ADGRG6: variants seen among roughly 807,000 people sequenced by gnomAD.
ADGRG6 encodes adhesion G protein-coupled receptor G6.
A neutral mutation model predicts 142.4 loss-of-function variants in ADGRG6; 84 were observed. The observed-to-expected ratio is 0.59, with a 90% CI of 0.49 to 0.71. ADGRG6 has a LOEUF of 0.71. Ranked by LOEUF, ADGRG6 falls within the 30% of genes least tolerant of loss-of-function variation. The pLI is 0.00. For missense variants in ADGRG6, 1,367 were observed against 1,466.6 expected (o/e 0.93, Z 1.11); for synonymous variants, 521 against 520.5 (o/e 1.00, Z -0.01).
chr6:142,317,502 A>G (rs1243822778), intron 2 of ADGRG6, among the ~76,000 whole-genome samples: 1 of 150,938 alleles, frequency 6.6e-6, no homozygotes, highest in Non-Finnish European at 1.5e-5. Context: ...ACCATTATTA[A>G]AATATGTTTA....
At chr6:142,320,590 T>C (rs937062618) in intron 2 of ADGRG6, among the ~76,000 whole-genome samples, 10 of 152,078 alleles carry the variant, frequency 6.6e-5, no homozygotes, top group African/African-American at 2.2e-4. Context: ...AGTAGGAAGA[T>C]ACAGTTAGTA....
At chr6:142,437,213 C>A (rs949625792) in intron 22 of ADGRG6, among the ~76,000 whole-genome samples, 10 of 152,186 alleles carry the variant, frequency 6.6e-5, no homozygotes, top group African/African-American at 2.4e-4. Context: ...AAGACAGAAT[C>A]AGATCCCTGT....
At chr6:142,402,492 A>G in intron 12 of ADGRG6, 128 bp from the exon 13 acceptor site, 2 of 611,460 alleles carry the variant, frequency 3.3e-6, no homozygotes, top group Non-Finnish European at 5.8e-6. Context: ...GGGATGAGGT[A>G]TACACAGGAA....
intron 9 of ADGRG6, among the ~76,000 whole-genome samples, chr6:142,395,345 A>G (rs1775123265): frequency 6.6e-6 from 1 of 152,160 alleles, no homozygotes; most frequent in Non-Finnish European, 1.5e-5. Context: ...ATCTTCAGTA[A>G]TGGATCCAGC....
intron 1 of ADGRG6, among the ~76,000 whole-genome samples, chr6:142,304,792 T>G (rs1777401051): frequency 6.6e-6 from 1 of 152,226 alleles, no homozygotes; most frequent in Admixed American, 6.5e-5. Flanking sequence ...AAACTGTATC[T>G]TTCCATTTTC....
chr6:142,392,862 A>G (rs1774970868), intron 7 of ADGRG6, 86 bp from the exon 8 acceptor site: 1 of 882,066 alleles, frequency 1.1e-6, no homozygotes, highest in African/African-American at 1.7e-5. Context: ...TTATCTCAGT[A>G]ACAACTTATG....
intron 9 of ADGRG6, among the ~76,000 whole-genome samples, chr6:142,396,653 G>A (rs1775210763): frequency 6.6e-6 from 1 of 152,082 alleles, no homozygotes; most frequent in African/African-American, 2.4e-5. Flanking sequence ...TTGGCGTGAA[G>A]ACAGTAACTG....
chr6:142,332,689 A>T (rs1779116768), intron 2 of ADGRG6, among the ~76,000 whole-genome samples: 1 of 152,208 alleles, frequency 6.6e-6, no homozygotes, highest in Non-Finnish European at 1.5e-5. Context: ...CTTTTGCAAG[A>T]GAGACACAAT....
intron 2 of ADGRG6, among the ~76,000 whole-genome samples, chr6:142,351,430 G>A (rs1435339279): frequency 6.6e-6 from 1 of 151,972 alleles, no homozygotes. Context: ...CTTCAACAAA[G>A]GTAACAATAA....
chr6:142,414,913 A>T, intron 18 of ADGRG6, 56 bp from the exon 19 acceptor site: 1 of 1,511,102 alleles, frequency 6.6e-7, no homozygotes, highest in Middle Eastern at 1.8e-4. Context: ...AGTGAAACAG[A>T]GAACCATTCT....
chr6:142,444,255 A>T lies in ADGRG6; in HGVS notation c.*740A>T, dbSNP rs1385485074. ...TACATTCGAGTTAAGTTTAGTGTTG[A>T]TGTTCCATCATTCTGGACCTCCCAG... On this transcript the variant is annotated 3_prime_UTR_variant, in exon 25 of 25. Coordinates refer to ENST00000367609, the MANE Select transcript of ADGRG6 (RefSeq NM_198569.3). 1 of 152,202 alleles carries T rather than the reference A, an allele frequency of 6.6e-6. No homozygotes were observed. Among genetic ancestry groups the T allele is most frequent in the African/African-American group, 2.4e-5 (1 of 41,472 alleles). The allele number at this position is 152,202 out of a possible 1,614,324, so 9.4% of individuals were successfully genotyped here.
At chr6:142,332,250 C>T (rs1262509643) in intron 2 of ADGRG6, among the ~76,000 whole-genome samples, 1 of 152,096 alleles carries the variant, frequency 6.6e-6, no homozygotes, top group East Asian at 1.9e-4. Flanking sequence ...ATGTTTGCAG[C>T]AGAGAGGCTG....
chr6:142,403,526 G>A (rs1290555925), intron 13 of ADGRG6, among the ~76,000 whole-genome samples: 2 of 152,038 alleles, frequency 1.3e-5, no homozygotes, highest in African/African-American at 4.8e-5. Flanking sequence ...GAAAAGAGAG[G>A]CTAAAATAAA....
intron 18 of ADGRG6, among the ~76,000 whole-genome samples, chr6:142,412,619 A>G (rs1776141448): frequency 6.6e-6 from 1 of 152,190 alleles, no homozygotes; most frequent in African/African-American, 2.4e-5. Context: ...AACTATCTAA[A>G]ATACAAATAT....
chr6:142,366,846 A>G (rs1780963310), intron 2 of ADGRG6, among the ~76,000 whole-genome samples: 1 of 152,168 alleles, frequency 6.6e-6, no homozygotes, highest in Non-Finnish European at 1.5e-5. Context: ...CTTGGCACAT[A>G]ATAGACTCAC....
At position 142,397,626 on chromosome 6, in the gene ADGRG6, G is replaced by T; in HGVS notation, c.1438G>T (p.Ala480Ser). 1.2e-6 allele frequency: 2 copies of T among 1,608,538 alleles called. No homozygotes were observed. Among genetic ancestry groups the T allele is most frequent in the Non-Finnish European group, 1.7e-6 (2 of 1,177,744 alleles). ...LEDEPRLVLWALLVYNATNNT... is the reference protein window; with the variant it reads ...LEDEPRLVLWSLLVYNATNNT... ...ATGTTTCCCTAGGTTGGTGCTTTGG[G>T]CCCTTCTAGTTTACAATGCTACCAA... The change falls in exon 10 of 25, where the codon GCC (alanine) becomes TCC (serine). Residue 480 changes from alanine to serine, a missense_variant. Around this residue, in one of 3 missense-constraint regions of ADGRG6, gnomAD observed 737 missense variants for 746.5 expected, o/e 0.99. Transcript: ENST00000367609.
intron 2 of ADGRG6, among the ~76,000 whole-genome samples, chr6:142,355,936 CTT>C (rs766009633): frequency 3.9e-5 from 6 of 152,318 alleles, no homozygotes; most frequent in Non-Finnish European, 8.8e-5. Flanking sequence ...TTGCCGCAGA[CTT>C]GTGATTGATG....
chr6:142,347,049 G>GT (rs1419173241), intron 2 of ADGRG6, among the ~76,000 whole-genome samples: 1 of 151,734 alleles, frequency 6.6e-6, no homozygotes, highest in Non-Finnish European at 1.5e-5. Flanking sequence ...TTTTAGTCAA[G>GT]TAAAAAAAAG....
intron 1 of ADGRG6, among the ~76,000 whole-genome samples, chr6:142,307,025 G>A (rs1380028260): frequency 6.6e-6 from 1 of 152,076 alleles, no homozygotes; most frequent in Non-Finnish European, 1.5e-5. Context: ...AGGATTGCAG[G>A]CAGCTTTGAT....
Sources: gnomAD v4.1 joint callset for allele counts (sites outside exome capture counted in the v4.1 genomes callset) on GRCh38, gnomAD v4.1.1 for gene constraint, gnomAD v4.1.1 regional missense constraint, MANE v1.5 for transcripts, NCBI Gene and HGNC (gene_info 2026-07-23, HGNC 2026-07-21) for gene names.